Variants in ASTN2 observed in about 807,000 individuals in gnomAD.
ASTN2 encodes astrotactin-2.
In ASTN2, 54 loss-of-function variants were observed where a neutral mutation model predicts 139.8. The observed-to-expected ratio is 0.39, with a 90% CI of 0.31 to 0.48. The LOEUF (loss-of-function observed/expected upper bound fraction) is 0.48, where lower values mean the gene tolerates loss of function less well. ASTN2 is among the 20% of genes least tolerant of loss of function. ASTN2 has a pLI of 0.95. For synonymous variants in ASTN2, 756 were observed against 719.5 expected (o/e 1.05, Z -0.81); for missense variants, 1,565 against 1,725.1 (o/e 0.91, Z 1.64).
At chr9:116,510,493 T>A (rs1330249715) in intron 19 of ASTN2, among the ~76,000 whole-genome samples, 1 of 152,200 alleles carries the variant, frequency 6.6e-6, no homozygotes, top group Non-Finnish European at 1.5e-5. Flanking sequence ...GGGCTCTTTT[T>A]TGGTTCCATA....
chr9:116,910,394 TCTACCCA>T (rs1834278659), intron 10 of ASTN2, among the ~76,000 whole-genome samples: 1 of 152,146 alleles, frequency 6.6e-6, no homozygotes, highest in Non-Finnish European at 1.5e-5. Flanking sequence ...ACCCCTGTCA[TCTACCCA>T]CTAGGTGCCA....
chr9:116,502,724 AAGGAAGGAATGAAT>A (rs1178871929), intron 19 of ASTN2, among the ~76,000 whole-genome samples: 2 of 28,844 alleles, frequency 6.9e-5, no homozygotes, highest in Non-Finnish European at 1.8e-4. Context: ...GGAAGGAAGG[AAGGAAGGAATGAAT>A]GAATGAATGA....
At chr9:116,883,003 G>A (rs962680096) in intron 10 of ASTN2, among the ~76,000 whole-genome samples, 1 of 152,158 alleles carries the variant, frequency 6.6e-6, no homozygotes, top group African/African-American at 2.4e-5. Flanking sequence ...AAAACTCGAA[G>A]TGTTCGTACA....
chr9:117,045,437 C>CG (rs1280993522), intron 5 of ASTN2, among the ~76,000 whole-genome samples: 1 of 151,974 alleles, frequency 6.6e-6, no homozygotes, highest in African/African-American at 2.4e-5. Context: ...GCATTCCACC[C>CG]GGGCATATTG....
chr9:116,448,081 G>A (rs771852318), intron 20 of ASTN2, among the ~76,000 whole-genome samples: 6 of 152,192 alleles, frequency 3.9e-5, no homozygotes, highest in Non-Finnish European at 8.8e-5. Flanking sequence ...AGGAGAATGC[G>A]TTTGAAGTCT....
rs188742633 is a variant in ASTN2 at position 116,992,724 on chromosome 9, G to T, written c.1591+15368C>A. Among the ~76,000 whole-genome samples, 446 of 152,196 alleles carry T rather than the reference G, an allele frequency of 2.9e-3. 2 individuals are homozygous for T. The highest frequency in any genetic ancestry group is 4.5e-3 in the Non-Finnish European group (306 of 68,008). On this transcript the variant is annotated intron_variant, in intron 7 of 22. Coordinates refer to ENST00000313400, the MANE Select transcript of ASTN2 (RefSeq NM_001365068.1). ...GGGTCTTGGGCTCAAACACATGGGG[G>T]ACACACAACGAGCAGGTTCCTCAAC... is the stretch of plus-strand genomic sequence containing the variant.
intron 4 of ASTN2, among the ~76,000 whole-genome samples, chr9:117,100,604 T>G (rs538889238): frequency 1.3e-3 from 202 of 152,360 alleles, no homozygotes; most frequent in Non-Finnish European, 1.7e-3. Flanking sequence ...ACATTTCAGG[T>G]GCTCACCATA....
intron 2 of ASTN2, among the ~76,000 whole-genome samples, chr9:117,231,207 T>A (rs1224925193): frequency 6.6e-6 from 1 of 152,178 alleles, no homozygotes. Context: ...CATGCATCAC[T>A]CTGCTGAGTG....
At position 116,423,911 on chromosome 9, in the gene ASTN2, C is replaced by G. The variant is rs995601215; in HGVS notation, c.*1940G>C. 6.6e-6 allele frequency among the ~76,000 whole-genome samples: 1 copy of G among 152,088 alleles called. No homozygotes were observed. The highest frequency in any genetic ancestry group is 1.5e-5 in the Non-Finnish European group (1 of 68,026). ...GCATGGTTTTTTTCTTTTTTACTCA[C>G]CACTACACAAATGAGGATAGGCATA... On this transcript the variant is annotated 3_prime_UTR_variant, in exon 23 of 23. Coordinates refer to ENST00000313400, the MANE Select transcript of ASTN2 (RefSeq NM_001365068.1).
At chr9:116,746,172 C>G (rs368084518) in intron 13 of ASTN2, among the ~76,000 whole-genome samples, 2 of 151,158 alleles carry the variant, frequency 1.3e-5, no homozygotes, top group Non-Finnish European at 2.9e-5. Flanking sequence ...CTGCAACTTC[C>G]GACTCCTGGA....
chr9:116,661,853 G>A (rs1040649450), intron 16 of ASTN2, among the ~76,000 whole-genome samples: 1 of 151,920 alleles, frequency 6.6e-6, no homozygotes, highest in Non-Finnish European at 1.5e-5. Context: ...TCACACACCG[G>A]GGCCTGTTGT....
intron 1 of ASTN2, among the ~76,000 whole-genome samples, chr9:117,373,673 G>A (rs768709648): frequency 1.3e-5 from 2 of 152,204 alleles, no homozygotes; most frequent in Non-Finnish European, 2.9e-5. Flanking sequence ...TAATGAGGGA[G>A]AAAGGAAATT....
At chr9:117,090,107 C>A (rs958889191) in intron 5 of ASTN2, among the ~76,000 whole-genome samples, 1 of 152,148 alleles carries the variant, frequency 6.6e-6, no homozygotes, top group African/African-American at 2.4e-5. Context: ...TCTGAACTAG[C>A]ACCTGTTTTT....
intron 16 of ASTN2, 49 bp downstream of exon 16, chr9:116,725,722 C>T (rs780332829): frequency 1.3e-6 from 2 of 1,578,734 alleles, no homozygotes; most frequent in Admixed American, 3.5e-5. Flanking sequence ...AGACCCCTTG[C>T]CTCTATAGCC....
At chr9:117,016,695 ATGT>A (rs1837713775) in intron 6 of ASTN2, among the ~76,000 whole-genome samples, 2 of 144,200 alleles carry the variant, frequency 1.4e-5, no homozygotes, top group East Asian at 4.0e-4. Flanking sequence ...TTATATATAT[ATGT>A]TACATATATA....
At chr9:117,174,125 AGAT>A (rs964877275) in intron 3 of ASTN2, among the ~76,000 whole-genome samples, 1 of 37,646 alleles carries the variant, frequency 2.7e-5, no homozygotes, top group Admixed American at 2.2e-4. Flanking sequence ...CTAGCTAACT[AGAT>A]AGATAGATAG....
chr9:116,985,177 A>T (rs1485453695), intron 7 of ASTN2, among the ~76,000 whole-genome samples: 2 of 152,172 alleles, frequency 1.3e-5, no homozygotes, highest in African/African-American at 4.8e-5. Context: ...TGTCTCTGAT[A>T]TCCCTTTCTT....
At chr9:117,123,588 A>G (rs1829613704) in intron 4 of ASTN2, among the ~76,000 whole-genome samples, 2 of 152,210 alleles carry the variant, frequency 1.3e-5, no homozygotes, top group South Asian at 4.1e-4. Flanking sequence ...ACACGATGCT[A>G]GTGTTACTAC....
chr9:117,371,667 G>C (rs1028772048), intron 1 of ASTN2, among the ~76,000 whole-genome samples: 1 of 152,140 alleles, frequency 6.6e-6, no homozygotes, highest in Non-Finnish European at 1.5e-5. Flanking sequence ...GGGTTGTCGT[G>C]AGGATTAATA....
Sources: gnomAD v4.1 joint callset for allele counts (sites outside exome capture counted in the v4.1 genomes callset) on GRCh38, gnomAD v4.1.1 for gene constraint, MANE v1.5 for transcripts, NCBI Gene and HGNC (gene_info 2026-07-23, HGNC 2026-07-21) for gene names.